GLIS3: variants seen among roughly 807,000 people sequenced by gnomAD.
GLIS3 encodes zinc finger protein GLIS3.
A neutral mutation model predicts 78.6 loss-of-function variants in GLIS3; 53 were observed. The ratio of observed to expected loss-of-function variants is 0.67; its 90% confidence interval spans 0.54 to 0.85. The LOEUF (loss-of-function observed/expected upper bound fraction) is 0.85. GLIS3 is among the 40% of genes least tolerant of loss of function. GLIS3 has a pLI of 0.00. For missense variants in GLIS3, 1,703 were observed against 1,231.1 expected (o/e 1.38, Z -5.74); for synonymous variants, 684 against 509.9 (o/e 1.34, Z -4.60).
At chr9:4,313,904 G>C (rs751939672) in intron 2 of GLIS3, among the ~76,000 whole-genome samples, 7 of 152,184 alleles carry the variant, frequency 4.6e-5, no homozygotes, top group Admixed American at 3.9e-4. Flanking sequence ...ACAGGCTTGG[G>C]CCTCAATATT....
rs543419466 is a variant in GLIS3, at chr9:4,290,269, C to G, written c.-98-3746G>C. 4.6e-5 allele frequency among the ~76,000 whole-genome samples: 7 copies of G among 152,260 alleles called. No homozygotes were observed. In the East Asian group the frequency reaches 9.6e-4, roughly 21 times the overall value. On this transcript the variant is annotated intron_variant, in intron 1 of 10. Coordinates refer to ENST00000381971, the MANE Select transcript of GLIS3 (RefSeq NM_001042413.2). Reference sequence around the variant, plus strand: ...TTTTCCATTTCTTATGCCACAAGCACTTCTTACTCTGCATAGAAAACCCGA... The same window carrying G: ...TTTTCCATTTCTTATGCCACAAGCAGTTCTTACTCTGCATAGAAAACCCGA...
In GLIS3 at chr9:3,975,543, G is replaced by C. The variant is rs1404944064; in HGVS notation, c.1711-38354C>G. Among the ~76,000 whole-genome samples, 3 of 150,254 alleles carry C rather than the reference G, an allele frequency of 2.0e-5. No homozygotes were observed. The Admixed American group carries it at 2.0e-4, about 10-fold the overall frequency. On this transcript the variant is annotated intron_variant, in intron 4 of 10. Coordinates refer to ENST00000381971, the MANE Select transcript of GLIS3 (RefSeq NM_001042413.2). ...ACCTCTGGATAGGGTACTTTATTGT[G>C]TTTCTGCATTTGCATTGCATCATTT...
chr9:4,439,328 G>C, the GLIS3 span, among the ~76,000 whole-genome samples: 1 of 152,162 alleles, frequency 6.6e-6, no homozygotes, highest in Non-Finnish European at 1.5e-5. Flanking sequence ...TCACAGAGTT[G>C]TGCAGCCATC....
Position 4,224,973 on chromosome 9 carries a change from A to T in GLIS3, c.388+61065T>A, listed in dbSNP as rs1030064114. Among the ~76,000 whole-genome samples, 3 of 151,884 alleles carry T rather than the reference A, an allele frequency of 2.0e-5. 1 individual carries two copies. The highest frequency in any genetic ancestry group is 4.4e-5 in the Non-Finnish European group (3 of 67,994). ...ATCATTACTACAATATTTTTAAACT[A>T]TAATAATATACTATTTATATAGATC... On this transcript the variant is annotated intron_variant, in intron 2 of 10. Transcript: ENST00000381971.
chr9:4,403,590 T>G, the GLIS3 span, among the ~76,000 whole-genome samples: 1 of 151,368 alleles, frequency 6.6e-6, no homozygotes, highest in Non-Finnish European at 1.5e-5. Flanking sequence ...AAGTGTAGAG[T>G]TTTTATTAGT....
At chr9:4,080,943 C>A (rs79021198) in intron 4 of GLIS3, among the ~76,000 whole-genome samples, 1 of 152,180 alleles carries the variant, frequency 6.6e-6, no homozygotes, top group Non-Finnish European at 1.5e-5. Context: ...GGTCTGCTTA[C>A]CACAGTCCTT....
At chr9:4,054,075 C>G (rs1165557035) in intron 4 of GLIS3, among the ~76,000 whole-genome samples, 2 of 152,176 alleles carry the variant, frequency 1.3e-5, no homozygotes, top group Non-Finnish European at 2.9e-5. Context: ...ATGAGTTAAG[C>G]ACAAAGCCTT....
chr9:4,155,770 C>G (rs987122880), intron 2 of GLIS3, among the ~76,000 whole-genome samples: 1 of 152,018 alleles, frequency 6.6e-6, no homozygotes, highest in Non-Finnish European at 1.5e-5. Context: ...ATTGCTAGGC[C>G]CATCCCAGAG....
chr9:3,861,309 G>C (rs1208240845), intron 8 of GLIS3, among the ~76,000 whole-genome samples: 1 of 152,086 alleles, frequency 6.6e-6, no homozygotes, highest in Non-Finnish European at 1.5e-5. Flanking sequence ...TATATTATTG[G>C]AGGGAATGTA....
upstream of GLIS3, among the ~76,000 whole-genome samples, chr9:4,350,804 GTTTT>G (rs575977059): frequency 6.6e-6 from 1 of 152,116 alleles, no homozygotes; most frequent in East Asian, 1.9e-4. Flanking sequence ...GTTTTGTTTT[GTTTT>G]GTTTTTGTTT....
At chr9:4,193,929 G>A (rs1323798557) in intron 2 of GLIS3, among the ~76,000 whole-genome samples, 2 of 152,210 alleles carry the variant, frequency 1.3e-5, no homozygotes, top group East Asian at 1.9e-4. Context: ...TGTGGTAAGC[G>A]TGCTTAACAA....
chr9:4,437,581 G>A, the GLIS3 span, among the ~76,000 whole-genome samples: 6 of 152,266 alleles, frequency 3.9e-5, no homozygotes, highest in African/African-American at 1.2e-4. Flanking sequence ...GCCCAAAGTC[G>A]CAAAACTATC....
At chr9:4,476,961 G>T in the GLIS3 span, among the ~76,000 whole-genome samples, 1 of 152,066 alleles carries the variant, frequency 6.6e-6, no homozygotes, top group African/African-American at 2.4e-5. Context: ...GTTCATTGCT[G>T]GTGGGATGTA....
At chr9:4,023,357 T>A (rs1374899899) in intron 4 of GLIS3, among the ~76,000 whole-genome samples, 2 of 152,208 alleles carry the variant, frequency 1.3e-5, no homozygotes, top group Non-Finnish European at 2.9e-5. Context: ...CCCATTCTGC[T>A]ATTTTTTATT....
intron 4 of GLIS3, among the ~76,000 whole-genome samples, chr9:4,079,743 T>TG (rs1420967131): frequency 7.0e-6 from 1 of 142,888 alleles, no homozygotes; most frequent in Admixed American, 7.0e-5. Flanking sequence ...AAGATGGATG[T>TG]GAAAAAAAAA....
chr9:3,953,795 C>CTCTCTCTCTCTATATATATATA (rs1403671770), intron 4 of GLIS3, among the ~76,000 whole-genome samples: 1 of 73,328 alleles, frequency 1.4e-5, no homozygotes, highest in African/African-American at 5.7e-5. Context: ...CTCTCTCTCT[C>CTCTCTCTCTCTATATATATATA]TATATATATA....
At chr9:4,235,603 C>A (rs1047465949) in intron 2 of GLIS3, among the ~76,000 whole-genome samples, 3 of 152,134 alleles carry the variant, frequency 2.0e-5, no homozygotes, top group Non-Finnish European at 4.4e-5. Flanking sequence ...CAATAGCCAG[C>A]AGTCCTCCTG....
intron 2 of GLIS3, among the ~76,000 whole-genome samples, chr9:4,345,460 C>T (rs1817885729): frequency 6.6e-6 from 1 of 152,136 alleles, no homozygotes; most frequent in Non-Finnish European, 1.5e-5. Flanking sequence ...AATGCAAGTT[C>T]ATGAGGTCAT....
intron 2 of GLIS3, among the ~76,000 whole-genome samples, chr9:4,265,347 G>A (rs558336189): frequency 4.7e-5 from 7 of 150,018 alleles, no homozygotes; most frequent in South Asian, 2.1e-4. Context: ...ATAATGTATC[G>A]CCTTATTTAA....
Sources: allele counts gnomAD v4.1 joint callset (sites outside exome capture counted in the v4.1 genomes callset), GRCh38; gene constraint gnomAD v4.1.1; transcripts MANE v1.5; gene names NCBI Gene and HGNC (gene_info 2026-07-23, HGNC 2026-07-21).